The following ZBBX variants were observed in gnomAD, a reference collection of about 807,000 sequenced individuals.
ZBBX encodes zinc finger B-box domain-containing protein 1.
ZBBX carries 101 observed loss-of-function variants against 108.5 expected under a neutral mutation model. The ratio of observed to expected loss-of-function variants is 0.93; its 90% CI spans 0.79 to 1.10. ZBBX has a LOEUF of 1.10. Ranked by LOEUF, ZBBX falls within the 50% of genes least tolerant of loss-of-function variation. The pLI, the probability that ZBBX is intolerant of heterozygous loss-of-function variation, is 0.00. For synonymous variants in ZBBX, 356 were observed against 323.4 expected, an observed-to-expected ratio of 1.10 and a Z score of -1.08; for missense variants, 1,009 against 941.4, an observed-to-expected ratio of 1.07 and a Z score of -0.94.
At chr3:167,190,377 CTT>C in the ZBBX span, among the ~76,000 whole-genome samples, 5,591 of 113,648 alleles carry the variant, frequency 0.049, 59 homozygotes, top group East Asian at 0.12. Flanking sequence ...AACTTACCTA[CTT>C]TTTTTTTTTT....
At chr3:167,288,290 A>C (rs1397473818) in intron 19 of ZBBX, among the ~76,000 whole-genome samples, 1 of 152,170 alleles carries the variant, frequency 6.6e-6, no homozygotes, top group Non-Finnish European at 1.5e-5. Context: ...AAGTATCAAA[A>C]TAGATATTCA....
rs762168650 is a variant in ZBBX at position 167,372,809 on chromosome 3, A to G, written c.68+25T>C. The G allele has an allele frequency of 6.5e-6, 8 of 1,226,492 alleles. No individual in the cohort carries two copies. In the East Asian group the frequency reaches 1.9e-4, roughly 29 times the overall value. The allele number at this position is 1,226,492 out of a possible 1,614,324, so 76.0% of individuals were successfully genotyped here. A position where few individuals can be genotyped will look rare whatever the true frequency, so the allele number is the denominator to read the frequency against. On this transcript the variant is annotated intron_variant, in intron 4 of 21. Transcript: ENST00000675490. ...CAGAAGCTTTGCAACTATTCCTATT[A>G]AGAAATAAATATATATGAACTCACC...
chr3:167,374,089 G>A (rs1313310744), intron 2 of ZBBX, among the ~76,000 whole-genome samples: 2 of 152,078 alleles, frequency 1.3e-5, no homozygotes, highest in Non-Finnish European at 2.9e-5. Context: ...AGGCCGTGCA[G>A]AGAGAAACGA....
intron 9 of ZBBX, among the ~76,000 whole-genome samples, chr3:167,348,346 A>AAGAAAGAAAGAAAGAAAGAAAGAAAG (rs1741966046): frequency 2.6e-5 from 3 of 115,668 alleles, no homozygotes; most frequent in African/African-American, 1.0e-4. Flanking sequence ...GAAAGAAAGA[A>AAGAAAGAAAGAAAGAAAGAAAGAAAG]AGAAAGAAAG....
At chr3:167,348,937 C>T (rs12635517) in intron 9 of ZBBX, among the ~76,000 whole-genome samples, 57,625 of 151,820 alleles carry the variant, frequency 0.38, 11,317 homozygotes, top group East Asian at 0.64. Flanking sequence ...TGCCATGTTG[C>T]TTTCAGTAAT....
chr3:167,264,034 C>A (rs1268963214), intron 20 of ZBBX, among the ~76,000 whole-genome samples: 1 of 152,160 alleles, frequency 6.6e-6, no homozygotes. Flanking sequence ...TACTCCTGCT[C>A]TTTTTTGGTT....
At position 167,240,498 on chromosome 3, in the gene ZBBX, C is replaced by T. The variant is rs1720491836; in HGVS notation, c.*295G>A. 1.0e-5 allele frequency: 2 copies of T among 193,360 alleles called. No individual in the cohort carries two copies. The highest frequency in any genetic ancestry group is 1.1e-4 in the Admixed American group (2 of 17,716). 12.0% of individuals were successfully genotyped at this position (193,360 alleles called of 1,614,324 possible). The stretch of plus-strand genomic sequence containing the variant: ...GATGAAATATTTCTTTAAGTATAAT[C>T]ATGTTCTGCCCTATAGTAGGTTTTA... On this transcript the variant is annotated 3_prime_UTR_variant, in exon 22 of 22. Coordinates refer to ENST00000675490, the MANE Select transcript of ZBBX (RefSeq NM_001199201.2).
chr3:167,181,238 C>G, the ZBBX span, among the ~76,000 whole-genome samples: 3 of 152,250 alleles, frequency 2.0e-5, no homozygotes, highest in South Asian at 4.1e-4. Context: ...CCCATTTCAT[C>G]AATCATATGT....
At chr3:167,386,126 GAAGA>G (rs752586755) in intron 1 of ZBBX, among the ~76,000 whole-genome samples, 3 of 151,872 alleles carry the variant, frequency 2.0e-5, no homozygotes, top group Non-Finnish European at 4.4e-5. Context: ...CATTTGGACA[GAAGA>G]AAGAAAGAAA....
chr3:167,178,935 C>T, the ZBBX span, among the ~76,000 whole-genome samples: 11 of 152,164 alleles, frequency 7.2e-5, no homozygotes, highest in Non-Finnish European at 1.6e-4. Flanking sequence ...ATTCTTTCCA[C>T]TATGGCTTGT....
chr3:167,231,425 T>C, the ZBBX span, among the ~76,000 whole-genome samples: 4 of 151,774 alleles, frequency 2.6e-5, no homozygotes, highest in Non-Finnish European at 5.9e-5. Flanking sequence ...TCGACCACTT[T>C]AAATAATGCT....
At position 167,282,395 on chromosome 3, in the gene ZBBX, A is replaced by T; in HGVS notation, c.2097T>A (p.Ser699Arg). 2.5e-6 allele frequency: 4 copies of T among 1,614,144 alleles called. No individual in the cohort carries two copies. Among genetic ancestry groups the T allele is most frequent in the Non-Finnish European group, 3.4e-6 (4 of 1,179,984 alleles). Residue 699 changes from serine to arginine, a missense_variant, in exon 20 of 22, where the codon AGT becomes AGA. Ser to Arg is a moderately radical substitution (Grantham distance 110). Transcript: ENST00000675490. ...CLSSSHPRSR[S>R]AAAQSSSRAA... ...CTCTAGATGATGATTGAGCAGCTGCACTTCTTGATCGAGGATGAGAGGATG... is the reference window on the plus strand; with the variant it reads ...CTCTAGATGATGATTGAGCAGCTGCTCTTCTTGATCGAGGATGAGAGGATG...
intron 20 of ZBBX, among the ~76,000 whole-genome samples, chr3:167,273,658 AC>A (rs1189997540): frequency 1.3e-5 from 2 of 151,942 alleles, no homozygotes; most frequent in African/African-American, 4.8e-5. Flanking sequence ...GTTATGGTGG[AC>A]CCTTACTGGA....
At chr3:167,350,611 T>A in intron 8 of ZBBX, 96 bp from the exon 9 acceptor site, 1 of 835,670 alleles carries the variant, frequency 1.2e-6, no homozygotes, top group Non-Finnish European at 1.7e-6. Flanking sequence ...TTAATATTTA[T>A]TTCTCTAATT....
At chr3:167,279,668 C>A (rs1728393630) in intron 20 of ZBBX, among the ~76,000 whole-genome samples, 1 of 151,974 alleles carries the variant, frequency 6.6e-6, no homozygotes, top group Admixed American at 6.6e-5. Flanking sequence ...AATGGCCATA[C>A]TGCCCAAGGT....
At chr3:167,199,501 T>C in the ZBBX span, among the ~76,000 whole-genome samples, 1 of 152,182 alleles carries the variant, frequency 6.6e-6, no homozygotes, top group Non-Finnish European at 1.5e-5. Context: ...ACTCAGGAAA[T>C]AACACTTGAA....
At chr3:167,252,604 AT>A (rs1298620023) in intron 20 of ZBBX, among the ~76,000 whole-genome samples, 1 of 151,096 alleles carries the variant, frequency 6.6e-6, no homozygotes, top group Non-Finnish European at 1.5e-5. Flanking sequence ...AAAAAAAAAA[AT>A]CCATGTCTGC....
At chr3:167,178,915 G>A in the ZBBX span, among the ~76,000 whole-genome samples, 2 of 152,064 alleles carry the variant, frequency 1.3e-5, no homozygotes, top group African/African-American at 4.8e-5. Flanking sequence ...GCTGCTCCAG[G>A]GAGAGATTCA....
the ZBBX span, among the ~76,000 whole-genome samples, chr3:167,195,127 A>G: frequency 6.6e-6 from 1 of 152,158 alleles, no homozygotes; most frequent in Non-Finnish European, 1.5e-5. Flanking sequence ...TGTTAGATGC[A>G]ACTTCCTTCC....
Sources: allele counts gnomAD v4.1 joint callset (sites outside exome capture counted in the v4.1 genomes callset), GRCh38; gene constraint gnomAD v4.1.1; transcripts MANE v1.5; gene names NCBI Gene and HGNC (gene_info 2026-07-23, HGNC 2026-07-21).